DST: variants seen among roughly 807,000 people sequenced by gnomAD.
DST encodes the protein bullous pemphigoid antigen.
DST carries 253 observed loss-of-function variants against 875.2 expected under a neutral mutation model. The ratio of observed to expected loss-of-function variants is 0.29; its 90% CI spans 0.26 to 0.32. The LOEUF (loss-of-function observed/expected upper bound fraction) is 0.32. DST is among the 10% of genes least tolerant of loss of function. The pLI, the probability that DST is intolerant of heterozygous loss-of-function variation, is 1.00. For synonymous variants in DST, 3,124 were observed against 3,197.1 expected, an observed-to-expected ratio of 0.98 and a Z score of 0.77; for missense variants, 8,287 against 9,111.6, an observed-to-expected ratio of 0.91 and a Z score of 3.68.
intron 49 of DST, among the ~76,000 whole-genome samples, chr6:56,586,917 C>T (rs1161393198): frequency 6.6e-6 from 1 of 152,122 alleles, no homozygotes; most frequent in Non-Finnish European, 1.5e-5. Flanking sequence ...CTGTACATCA[C>T]CATCATCAAA....
At chr6:56,720,110 T>A (rs1317809852) in intron 5 of DST, among the ~76,000 whole-genome samples, 1 of 152,148 alleles carries the variant, frequency 6.6e-6, no homozygotes, top group East Asian at 1.9e-4. Flanking sequence ...TGGAGTTTAT[T>A]TCATCCCTAC....
chr6:56,784,198 G>A (rs886245782), intron 4 of DST, among the ~76,000 whole-genome samples: 11 of 152,062 alleles, frequency 7.2e-5, no homozygotes, highest in Admixed American at 3.9e-4. Context: ...TGACAATTAC[G>A]TGTCTTGGAG....
At chr6:56,832,775 T>C (rs545288279) in intron 4 of DST, among the ~76,000 whole-genome samples, 1 of 152,344 alleles carries the variant, frequency 6.6e-6, no homozygotes, top group South Asian at 2.1e-4. Context: ...GTTTTGCTCT[T>C]ATCGCCCAGG....
At chr6:56,622,834 T>C (rs751112687) in intron 36 of DST, among the ~76,000 whole-genome samples, 1 of 152,324 alleles carries the variant, frequency 6.6e-6, no homozygotes, top group Non-Finnish European at 1.5e-5. Flanking sequence ...CTATTACAGA[T>C]ATTTTAGTAA....
At chr6:56,939,548 G>A (rs1214166741) in intron 2 of DST, among the ~76,000 whole-genome samples, 3 of 152,100 alleles carry the variant, frequency 2.0e-5, no homozygotes, top group East Asian at 1.9e-4. Context: ...AACATAAATC[G>A]ATAAGAAAAA....
intron 17 of DST, 78 bp downstream of exon 17, chr6:56,641,869 A>G (rs2098908350): frequency 1.8e-6 from 2 of 1,114,990 alleles, no homozygotes; most frequent in African/African-American, 1.6e-5. Context: ...AAATTTTCAT[A>G]CTCTACATTC....
At position 56,606,919 on chromosome 6, in the gene DST, G is replaced by C; in HGVS notation, c.7709C>G (p.Ala2570Gly). 6.2e-7 allele frequency: 1 copy of C among 1,613,310 alleles called. No individual in the cohort carries two copies. Residue 2570 changes from alanine (A) to glycine (G), a missense_variant, in exon 40 of 104, where the codon GCC becomes GGC. This residue lies in a region of DST where 3,138 missense variants were observed against 3,116.6 expected (regional missense o/e 1.01). Coordinates refer to ENST00000680361, the MANE Select transcript of DST (RefSeq NM_001374736.1). The stretch of plus-strand genomic sequence containing the variant: ...TGTAGCACAAGTAAGAGACACAATG[G>C]CATTATCAGTATCACCCCCTGGAGT... The part of the protein sequence containing the change: ...AVTPGGDTDN[A>G]IVSLTCATPL...
Position 56,464,474 on chromosome 6 carries a change from G to GT in DST, c.22759+210dup, listed in dbSNP as rs3842127. The stretch of plus-strand genomic sequence containing the variant: ...CCCGGTGAGCAACGTGTTAGCATGT[G>GT]TTTGATCACTTATAACACCTGCATG... On this transcript the variant is annotated intron_variant, in intron 100 of 103. Transcript: ENST00000680361. 5,776 of 574,092 alleles carry GT rather than the reference G, an allele frequency of 0.01. 260 individuals are homozygous for GT. In the East Asian group the frequency reaches 0.11, roughly 11 times the overall value. 35.6% of individuals were successfully genotyped at this position (574,092 alleles called of 1,614,324 possible).
intron 5 of DST, among the ~76,000 whole-genome samples, chr6:56,706,381 A>C (rs1354228442): frequency 6.6e-6 from 1 of 152,220 alleles, no homozygotes; most frequent in African/African-American, 2.4e-5. Flanking sequence ...CAAAGGAGTT[A>C]TCCATTCAAT....
At chr6:56,504,886 G>C (rs1043421444) in intron 77 of DST, among the ~76,000 whole-genome samples, 2 of 152,000 alleles carry the variant, frequency 1.3e-5, no homozygotes, top group African/African-American at 4.8e-5. Context: ...AAAAATTGTA[G>C]ATGGGGTACT....
chr6:56,717,643 G>T (rs1013652569), intron 5 of DST, among the ~76,000 whole-genome samples: 7 of 151,996 alleles, frequency 4.6e-5, no homozygotes, highest in African/African-American at 1.5e-4. Flanking sequence ...GTCTTTTCAG[G>T]TTTTTTGCAT....
At chr6:56,945,680 A>T (rs1819056689) in intron 2 of DST, 1 of 152,210 alleles carries the variant, frequency 6.6e-6, no homozygotes, top group South Asian at 2.1e-4. Flanking sequence ...CCCACAAGTA[A>T]AATCTAAATA....
At chr6:56,511,665 G>T (rs1018881649) in intron 72 of DST, among the ~76,000 whole-genome samples, 1 of 152,144 alleles carries the variant, frequency 6.6e-6, no homozygotes. Context: ...AGTTTATTAT[G>T]CATCTCATAC....
At chr6:56,514,606 C>A (rs9367686) in intron 72 of DST, among the ~76,000 whole-genome samples, 2,972 of 146,328 alleles carry the variant, frequency 0.02, 48 homozygotes, top group African/African-American at 0.035. Flanking sequence ...CACACACACA[C>A]ACACACCCCC....
intron 61 of DST, among the ~76,000 whole-genome samples, chr6:56,551,772 G>T (rs751808755): frequency 1.3e-4 from 20 of 152,320 alleles, no homozygotes; most frequent in Middle Eastern, 3.4e-3. Flanking sequence ...AGGATGAGAA[G>T]ATAATTATAA....
At chr6:56,821,724 T>G (rs1355056890) in intron 4 of DST, among the ~76,000 whole-genome samples, 3 of 152,262 alleles carry the variant, frequency 2.0e-5, no homozygotes, top group Non-Finnish European at 4.4e-5. Flanking sequence ...TTTACTAAAC[T>G]GATCCAAATT....
At position 56,466,063 on chromosome 6, in the gene DST, T is replaced by C; in HGVS notation, c.22687+15A>G. 1.3e-6 allele frequency: 2 copies of C among 1,570,952 alleles called. No individual in the cohort carries two copies. The highest frequency in any genetic ancestry group is 1.7e-6 in the Non-Finnish European group (2 of 1,144,662). On this transcript the variant is annotated intron_variant, in intron 99 of 103. Coordinates refer to ENST00000680361, the MANE Select transcript of DST (RefSeq NM_001374736.1). ...AAATACTTTCATGATGTTATCATGA[T>C]AAGCATCTCCTTACCCCTGCAAGGA...
intron 4 of DST, among the ~76,000 whole-genome samples, chr6:56,844,517 G>A (rs1280751489): frequency 6.6e-6 from 1 of 152,212 alleles, no homozygotes; most frequent in Non-Finnish European, 1.5e-5. Flanking sequence ...ATACTAAAGT[G>A]GGTGAGTTTA....
chr6:56,947,923 C>CCCTATACATACTATGTTTTTTT (rs145640354), intron 2 of DST, among the ~76,000 whole-genome samples: 101,128 of 150,050 alleles, frequency 0.67, 34,612 homozygotes, highest in South Asian at 0.83. Flanking sequence ...TAGTACTAAA[C>CCCTATACATACTATGTTTTTTT]CCTATACATA....
Sources: allele counts gnomAD v4.1 joint callset (sites outside exome capture counted in the v4.1 genomes callset), GRCh38; gene constraint gnomAD v4.1.1; regional missense constraint gnomAD v4.1.1; transcripts MANE v1.5; gene names NCBI Gene and HGNC (gene_info 2026-07-23, HGNC 2026-07-21).